The following DNAH9 variants were observed in gnomAD, a reference collection of about 807,000 sequenced individuals.
DNAH9 encodes DNAH9 variant protein.
Under a neutral mutation model 471.6 loss-of-function variants are expected in DNAH9, and 345 were observed. The ratio of observed to expected loss-of-function variants is 0.73; its 90% CI spans 0.67 to 0.80. The LOEUF is 0.80. DNAH9 is among the 30% of genes least tolerant of loss of function. The pLI, the probability that DNAH9 is intolerant of heterozygous loss-of-function variation, is 0.00. For synonymous variants in DNAH9, 2,093 were observed against 2,123.6 expected, an observed-to-expected ratio of 0.99 and a Z score of 0.40; for missense variants, 5,407 against 5,609.2, an observed-to-expected ratio of 0.96 and a Z score of 1.15.
At chr17:11,885,247 C>T (rs1330754711) in intron 56 of DNAH9, among the ~76,000 whole-genome samples, 1 of 152,164 alleles carries the variant, frequency 6.6e-6, no homozygotes, top group Non-Finnish European at 1.5e-5. Flanking sequence ...TCAGTGAACA[C>T]ACAAAGGAGG....
At chr17:11,660,447 C>G (rs1463056939) in intron 14 of DNAH9, among the ~76,000 whole-genome samples, 2 of 151,284 alleles carry the variant, frequency 1.3e-5, no homozygotes, top group African/African-American at 4.9e-5. Flanking sequence ...TTCAGCCTCC[C>G]AAATGGCTGG....
At chr17:11,657,425 G>A (rs760894288) in intron 14 of DNAH9, among the ~76,000 whole-genome samples, 41 of 152,056 alleles carry the variant, frequency 2.7e-4, no homozygotes, top group Non-Finnish European at 5.6e-4. Context: ...TATAGTTCTA[G>A]CAATCGTTTA....
intron 66 of DNAH9, among the ~76,000 whole-genome samples, chr17:11,939,568 T>C (rs1285006608): frequency 6.6e-6 from 1 of 152,196 alleles, no homozygotes; most frequent in East Asian, 1.9e-4. Flanking sequence ...CATGTTCCTA[T>C]GAGCTATCTT....
intron 49 of DNAH9, among the ~76,000 whole-genome samples, chr17:11,844,337 T>C (rs575625952): frequency 6.6e-6 from 1 of 152,316 alleles, no homozygotes; most frequent in East Asian, 1.9e-4. Flanking sequence ...TGTATTTTGA[T>C]ATTTTGTACA....
rs191001288 is a variant in DNAH9, at chr17:11,650,302, C to T, written c.2098-767C>T. On this transcript the variant is annotated intron_variant, in intron 12 of 68. Coordinates refer to ENST00000262442, the MANE Select transcript of DNAH9 (RefSeq NM_001372.4). Reference sequence around the variant, plus strand: ...CATCTGTTCATCACTTGTACCTATGCCCATCAGTCCTCATGGGTTCAGACA... The same window carrying T: ...CATCTGTTCATCACTTGTACCTATGTCCATCAGTCCTCATGGGTTCAGACA... Among the ~76,000 whole-genome samples, 92 of 152,210 alleles carry T rather than the reference C, an allele frequency of 6.0e-4. 1 individual carries two copies. Among genetic ancestry groups the T allele is most frequent in the Middle Eastern group, 6.8e-3 (2 of 294 alleles).
chr17:11,620,472 A>T (rs11655225), intron 6 of DNAH9, among the ~76,000 whole-genome samples: 24 of 141,850 alleles, frequency 1.7e-4, no homozygotes, highest in Non-Finnish European at 3.2e-4. Flanking sequence ...CGATCACACC[A>T]TTGCACTCCA....
At chr17:11,745,434 C>T (rs994947277) in intron 31 of DNAH9, among the ~76,000 whole-genome samples, 2 of 152,166 alleles carry the variant, frequency 1.3e-5, no homozygotes, top group African/African-American at 4.8e-5. Flanking sequence ...TCCTACTATC[C>T]TGGATAGAGA....
At chr17:11,920,031 C>CTTTATTT (rs1974085176) in intron 61 of DNAH9, among the ~76,000 whole-genome samples, 1 of 123,344 alleles carries the variant, frequency 8.1e-6, no homozygotes, top group South Asian at 2.7e-4. Flanking sequence ...GAGCTAAGTT[C>CTTTATTT]TTTCTTTTTT....
intron 6 of DNAH9, among the ~76,000 whole-genome samples, chr17:11,624,179 C>T (rs2072926978): frequency 6.6e-6 from 1 of 152,126 alleles, no homozygotes; most frequent in Admixed American, 6.5e-5. Context: ...GTTTCAAGAA[C>T]CTATCCCATG....
In DNAH9 at chr17:11,871,658, C is replaced by A. The variant is rs1454191744; in HGVS notation, c.10114C>A (p.Gln3372Lys). ...WADAVQNFKQ[Q>K]ERTLCGDILL... ...AGATGCCGTGCAGAACTTCAAACAGCAGGAAAGGACGTTATGTGGAGACAT... is the reference window on the plus strand; with the variant it reads ...AGATGCCGTGCAGAACTTCAAACAGAAGGAAAGGACGTTATGTGGAGACAT... Residue 3372 changes from glutamine (Q) to lysine (K), a missense_variant, in exon 52 of 69, where the codon CAG (glutamine) becomes AAG (lysine). Gln to Lys is a moderately conservative substitution (Grantham distance 53, BLOSUM62 1). This residue lies in a region of DNAH9 where 4,636 missense variants were observed against 4,900.3 expected (regional missense o/e 0.95). Coordinates refer to ENST00000262442, the MANE Select transcript of DNAH9 (RefSeq NM_001372.4). 1 of 1,614,192 alleles carries A rather than the reference C, an allele frequency of 6.2e-7. No individual in the cohort carries two copies.
intron 49 of DNAH9, among the ~76,000 whole-genome samples, chr17:11,849,058 G>A (rs1597729963): frequency 6.6e-6 from 1 of 152,060 alleles, no homozygotes; most frequent in South Asian, 2.1e-4. Context: ...GGATGGTCTC[G>A]ATCTCCTGAC....
intron 28 of DNAH9, among the ~76,000 whole-genome samples, chr17:11,733,381 C>T (rs916820036): frequency 6.6e-5 from 10 of 152,206 alleles, no homozygotes; most frequent in African/African-American, 1.9e-4. Flanking sequence ...ACACAAGGCC[C>T]TAGCCTGAGT....
intron 38 of DNAH9, among the ~76,000 whole-genome samples, chr17:11,779,579 T>G (rs1207474464): frequency 6.6e-6 from 1 of 152,212 alleles, no homozygotes; most frequent in Non-Finnish European, 1.5e-5. Context: ...AAGAGCTTAA[T>G]CAACCCAAAT....
At position 11,610,378 on chromosome 17, in the gene DNAH9, T is replaced by C. The variant is rs2072608914; in HGVS notation, c.615-18T>C. On this transcript the variant is annotated intron_variant, in intron 2 of 68. Coordinates refer to ENST00000262442, the MANE Select transcript of DNAH9 (RefSeq NM_001372.4). ...TTTGTTTTTGTTGTTATCATTGTTG[T>C]TGTTTTGTCTTTCACAGCTTGGATT... 1 of 1,606,542 alleles carries C rather than the reference T, an allele frequency of 6.2e-7. No individual in the cohort carries two copies. The highest frequency in any genetic ancestry group is 8.5e-7 in the Non-Finnish European group (1 of 1,175,058).
Position 11,782,970 on chromosome 17 carries a change from T to A in DNAH9, c.7719-676T>A, listed in dbSNP as rs547203045. Among the ~76,000 whole-genome samples, 6 of 152,352 alleles carry A rather than the reference T, an allele frequency of 3.9e-5. No homozygotes were observed. In the East Asian group the frequency reaches 1.2e-3, roughly 29 times the overall value. ...TTAAAAAATTACTTTATAATTACTG[T>A]TCTGTCCCCACTCTCTTATCTCCCA... On this transcript the variant is annotated intron_variant, in intron 39 of 68. Transcript: ENST00000262442.
chr17:11,810,074 T>C lies in DNAH9; in HGVS notation c.8584-172T>C, dbSNP rs965462517. Among the ~76,000 whole-genome samples the C allele has an allele frequency of 2.6e-5, 4 of 152,284 alleles. No homozygotes were observed. In the East Asian group the frequency reaches 7.7e-4, roughly 29 times the overall value. The stretch of plus-strand genomic sequence containing the variant: ...GGCACCAAAGCCTGGGAATGAGGCA[T>C]AGTTTCCTGCCTGTCAGTGCAAGAT... On this transcript the variant is annotated intron_variant, in intron 44 of 68. Transcript: ENST00000262442.
intron 32 of DNAH9, among the ~76,000 whole-genome samples, chr17:11,752,460 C>A (rs1967197794): frequency 6.6e-6 from 1 of 151,950 alleles, no homozygotes; most frequent in South Asian, 2.1e-4. Flanking sequence ...GATATAAAAC[C>A]AGATCTGCAT....
chr17:11,783,831 C>A (rs1968757951), intron 40 of DNAH9, 83 bp downstream of exon 40: 2 of 1,165,330 alleles, frequency 1.7e-6, no homozygotes, highest in Non-Finnish European at 2.5e-6. Context: ...AATAATTGGC[C>A]TTTTTCCCCA....
chr17:11,916,293 G>A (rs1009338981), intron 61 of DNAH9, among the ~76,000 whole-genome samples: 1 of 152,152 alleles, frequency 6.6e-6, no homozygotes, highest in Non-Finnish European at 1.5e-5. Flanking sequence ...TGGGTTGTTT[G>A]TCTCAGAATA....
Sources: allele counts gnomAD v4.1 joint callset (sites outside exome capture counted in the v4.1 genomes callset), GRCh38; gene constraint gnomAD v4.1.1; regional missense constraint gnomAD v4.1.1; transcripts MANE v1.5; gene names NCBI Gene and HGNC (gene_info 2026-07-23, HGNC 2026-07-21).